IL19: variants seen among roughly 807,000 people sequenced by gnomAD.
The protein encoded by IL19 is interleukin-19.
In IL19, 15 loss-of-function variants were observed where a neutral mutation model predicts 19.5. That is an observed-to-expected ratio of 0.77 (90% CI 0.52 to 1.19). The LOEUF is 1.19. Ranked by LOEUF, IL19 falls within the 50% of genes most tolerant of loss-of-function variation. The pLI, the probability that IL19 is intolerant of heterozygous loss-of-function variation, is 0.00. For missense variants in IL19, 199 were observed against 213.1 expected, an observed-to-expected ratio of 0.93 and a Z score of 0.41; for synonymous variants, 78 against 78.3, an observed-to-expected ratio of 1.00 and a Z score of 0.02.
chr1:206,829,160 T>C (rs1210310112), intron 2 of IL19: 1 of 152,152 alleles, frequency 6.6e-6, no homozygotes, highest in Non-Finnish European at 1.5e-5. Context: ...GAATTCAATT[T>C]CTTAAAAGGA....
chr1:206,801,169 T>TAAA (rs56281649), intron 2 of IL19, among the ~76,000 whole-genome samples: 141 of 144,880 alleles, frequency 9.7e-4, no homozygotes, highest in Middle Eastern at 7.1e-3. Flanking sequence ...ATTCGTAGTT[T>TAAA]AAAAAAAAAA....
chr1:206,831,549 C>T (rs1216871316), intron 2 of IL19, among the ~76,000 whole-genome samples: 1 of 152,130 alleles, frequency 6.6e-6, no homozygotes, highest in Non-Finnish European at 1.5e-5. Context: ...CCCCTTCTTC[C>T]TGATTTAGGA....
intron 4 of IL19, among the ~76,000 whole-genome samples, chr1:206,837,541 G>A (rs1044354131): frequency 2.0e-5 from 3 of 152,138 alleles, no homozygotes; most frequent in African/African-American, 7.2e-5. Context: ...GCCAGGCTGA[G>A]CCTCAGGCTT....
intron 1 of IL19, chr1:206,772,183 G>A (rs768067866): frequency 1.8e-5 from 21 of 1,157,564 alleles, no homozygotes; most frequent in Admixed American, 6.9e-5. Context: ...AGGTGGAGGC[G>A]CAGGAGGAGG....
chr1:206,805,686 C>T (rs1015703221), intron 2 of IL19, among the ~76,000 whole-genome samples: 1 of 152,122 alleles, frequency 6.6e-6, no homozygotes, highest in African/African-American at 2.4e-5. Flanking sequence ...ATAGAGTAAA[C>T]GTGAAATACA....
chr1:206,814,448 T>C (rs964406806), intron 2 of IL19, among the ~76,000 whole-genome samples: 7 of 149,286 alleles, frequency 4.7e-5, no homozygotes, highest in Non-Finnish European at 1.0e-4. Flanking sequence ...CCCAGCACTT[T>C]AGGAGGCTAA....
chr1:206,801,225 A>G (rs890396106), intron 2 of IL19, among the ~76,000 whole-genome samples: 1 of 151,690 alleles, frequency 6.6e-6, no homozygotes, highest in Non-Finnish European at 1.5e-5. Flanking sequence ...CCTTTGAATT[A>G]CAAGCCTGTA....
At chr1:206,786,383 T>A (rs1003000772) in intron 1 of IL19, among the ~76,000 whole-genome samples, 2 of 152,204 alleles carry the variant, frequency 1.3e-5, no homozygotes, top group African/African-American at 4.8e-5. Context: ...CTGGGCTTCC[T>A]GAAATGACTG....
At chr1:206,830,648 G>C (rs1394207066) in intron 2 of IL19, among the ~76,000 whole-genome samples, 4 of 151,754 alleles carry the variant, frequency 2.6e-5, no homozygotes, top group Admixed American at 2.6e-4. Context: ...GTGCGGTCTC[G>C]GCTCACTGCA....
chr1:206,783,557 A>AGGGTT (rs1025833703), intron 1 of IL19, among the ~76,000 whole-genome samples: 3 of 152,200 alleles, frequency 2.0e-5, no homozygotes, highest in African/African-American at 7.2e-5. Context: ...AAAGCGGCTA[A>AGGGTT]GGGTTGTGCA....
At chr1:206,786,828 C>A (rs1440011216) in intron 1 of IL19, among the ~76,000 whole-genome samples, 3 of 152,128 alleles carry the variant, frequency 2.0e-5, no homozygotes, top group African/African-American at 7.2e-5. Context: ...GTAGTTACTG[C>A]CATCAACATT....
intron 2 of IL19, among the ~76,000 whole-genome samples, chr1:206,814,925 C>T (rs956867163): frequency 4.6e-5 from 7 of 152,162 alleles, no homozygotes; most frequent in African/African-American, 1.7e-4. Flanking sequence ...AGTTCTGTGT[C>T]ACTAATCATC....
intron 2 of IL19, among the ~76,000 whole-genome samples, chr1:206,819,736 C>T (rs1251525390): frequency 2.0e-5 from 3 of 152,156 alleles, no homozygotes; most frequent in African/African-American, 4.8e-5. Context: ...TTTTCCTGGG[C>T]TATGTAGAGA....
intron 1 of IL19, among the ~76,000 whole-genome samples, chr1:206,787,261 A>T (rs888642667): frequency 6.6e-6 from 1 of 151,766 alleles, no homozygotes; most frequent in African/African-American, 2.4e-5. Context: ...TAACAACCTG[A>T]CTCCACTGAG....
At chr1:206,817,993 A>G (rs1463266932) in intron 2 of IL19, among the ~76,000 whole-genome samples, 5 of 152,020 alleles carry the variant, frequency 3.3e-5, no homozygotes, top group Admixed American at 6.5e-5. Context: ...CAAACTCCTG[A>G]CCTCAAGTGA....
At chr1:206,837,758 G>A (rs1019510723) in intron 4 of IL19, among the ~76,000 whole-genome samples, 9 of 152,172 alleles carry the variant, frequency 5.9e-5, no homozygotes, top group African/African-American at 2.2e-4. Flanking sequence ...CGGCTGAGAT[G>A]GGAGGATTGC....
At chr1:206,793,708 C>T (rs1343002003) in intron 1 of IL19, among the ~76,000 whole-genome samples, 2 of 152,150 alleles carry the variant, frequency 1.3e-5, no homozygotes, top group Non-Finnish European at 2.9e-5. Flanking sequence ...AAACACGAGG[C>T]AGAAAAAAAT....
At chr1:206,782,834 TTTC>T (rs1164735342) in intron 1 of IL19, among the ~76,000 whole-genome samples, 1 of 152,186 alleles carries the variant, frequency 6.6e-6, no homozygotes, top group Non-Finnish European at 1.5e-5. Flanking sequence ...TGGGCTCTGC[TTTC>T]TTCTTCTGCC....
At position 206,836,947 on chromosome 1, in the gene IL19, T is replaced by C; in HGVS notation, c.145-11T>C. On this transcript the variant is annotated splice_polypyrimidine_tract_variant and intron_variant, in intron 3 of 6. Coordinates refer to ENST00000659997, the MANE Select transcript of IL19 (RefSeq NM_153758.5). The stretch of plus-strand genomic sequence containing the variant: ...GATTGCTTATGTCTGTTCTTATGTT[T>C]CCCTCCACAGCAAGCTAAGGACACC... 6.2e-7 allele frequency: 1 copy of C among 1,612,952 alleles called. No homozygotes were observed. The highest frequency in any genetic ancestry group is 2.2e-5 in the East Asian group (1 of 44,884).
Sources: allele counts gnomAD v4.1 joint callset (sites outside exome capture counted in the v4.1 genomes callset), GRCh38; gene constraint gnomAD v4.1.1; transcripts MANE v1.5; gene names NCBI Gene and HGNC (gene_info 2026-07-23, HGNC 2026-07-21).